Variants in OXR1 observed in about 807,000 individuals in gnomAD.
The protein encoded by OXR1 is oxidation resistance 1.
A neutral mutation model predicts 104.6 loss-of-function variants in OXR1; 41 were observed. The observed-to-expected ratio is 0.39, with a 90% CI of 0.31 to 0.51. The LOEUF is 0.51. Among genes scored for constraint, OXR1 ranks in the 20% least tolerant of loss-of-function variants. The probability of loss-of-function intolerance (pLI) is 0.77; values close to 1 mark genes in which losing one functional copy is unlikely to be tolerated. For synonymous variants in OXR1, 348 were observed against 348.4 expected, an observed-to-expected ratio of 1.00 and a Z score of 0.01; for missense variants, 955 against 1,031.9, an observed-to-expected ratio of 0.93 and a Z score of 1.02.
rs189344266 is a variant in OXR1, at chr8:106,389,347, C to T, written c.23+29711C>T. Among the ~76,000 whole-genome samples, 29 of 152,270 alleles carry T rather than the reference C, an allele frequency of 1.9e-4. No homozygotes were observed. In the East Asian group the frequency reaches 5.2e-3, roughly 27 times the overall value. On this transcript the variant is annotated intron_variant, in intron 2 of 16. Transcript: ENST00000517566. ...ATTTGGTAAGTTAAATTCTGTGAAACGCCCATGTGCTGTCAGTGCTGGTTA... is the reference window on the plus strand; with the variant it reads ...ATTTGGTAAGTTAAATTCTGTGAAATGCCCATGTGCTGTCAGTGCTGGTTA...
intron 2 of OXR1, among the ~76,000 whole-genome samples, chr8:106,482,118 T>G (rs1017155585): frequency 6.6e-5 from 10 of 152,066 alleles, no homozygotes; most frequent in African/African-American, 2.2e-4. Flanking sequence ...CGTGGGTATT[T>G]AATGAGGAAA....
At chr8:106,291,475 T>C (rs142773574) in intron 1 of OXR1, among the ~76,000 whole-genome samples, 1 of 152,310 alleles carries the variant, frequency 6.6e-6, no homozygotes, top group East Asian at 1.9e-4. Context: ...ATTGCATCAT[T>C]CTTGGAAGTA....
chr8:106,555,477 G>T (rs563661095), intron 3 of OXR1, among the ~76,000 whole-genome samples: 3 of 152,250 alleles, frequency 2.0e-5, no homozygotes, highest in Admixed American at 6.5e-5. Flanking sequence ...TCCAGCTTCT[G>T]ATAGTGAAGT....
intron 3 of OXR1, among the ~76,000 whole-genome samples, chr8:106,652,765 A>G (rs1401397275): frequency 6.6e-6 from 1 of 151,898 alleles, no homozygotes; most frequent in Non-Finnish European, 1.5e-5. Flanking sequence ...AGGAAATTAT[A>G]AAGATTAGCA....
At chr8:106,362,375 G>A (rs1816284406) in intron 2 of OXR1, among the ~76,000 whole-genome samples, 1 of 152,072 alleles carries the variant, frequency 6.6e-6, no homozygotes, top group African/African-American at 2.4e-5. Context: ...AAAAGCATAG[G>A]TTAGTATAGT....
intron 11 of OXR1, among the ~76,000 whole-genome samples, chr8:106,721,332 TC>T (rs950105635): frequency 1.3e-5 from 2 of 152,138 alleles, no homozygotes; most frequent in African/African-American, 4.8e-5. Flanking sequence ...TATCCAGTTC[TC>T]CTAGGATGAT....
At chr8:106,658,224 TGGGCTGA>T (rs1825350426) in intron 3 of OXR1, 1 of 1,231,590 alleles carries the variant, frequency 8.1e-7, no homozygotes, top group East Asian at 3.2e-5. Flanking sequence ...GCGGCCGACC[TGGGCTGA>T]GGGCTGTGGG....
At chr8:106,597,218 T>TG (rs1048127235) in intron 3 of OXR1, among the ~76,000 whole-genome samples, 5 of 151,908 alleles carry the variant, frequency 3.3e-5, no homozygotes, top group African/African-American at 7.3e-5. Context: ...GGTGAGCCTT[T>TG]GGGGGGGTGA....
intron 1 of OXR1, among the ~76,000 whole-genome samples, chr8:106,284,631 A>G (rs575430549): frequency 6.6e-6 from 1 of 152,308 alleles, no homozygotes; most frequent in East Asian, 1.9e-4. Context: ...AACATTACAA[A>G]TATGCCTTCA....
In OXR1 at chr8:106,751,018, C is replaced by T. The variant is rs2131616893; in HGVS notation, c.*77C>T. ...AGCATTGTTTGGAAAGTTCAAGAAGCAATACAGTGTAACATGTCACTTGTG... is the reference window on the plus strand; with the variant it reads ...AGCATTGTTTGGAAAGTTCAAGAAGTAATACAGTGTAACATGTCACTTGTG... On this transcript the variant is annotated 3_prime_UTR_variant, in exon 17 of 17. Transcript: ENST00000517566. The T allele has an allele frequency of 9.4e-7, 1 of 1,061,318 alleles. No individual in the cohort carries two copies. Among genetic ancestry groups the T allele is most frequent in the Non-Finnish European group, 1.4e-6 (1 of 723,432 alleles). The allele number at this position is 1,061,318 out of a possible 1,614,324, so 65.7% of individuals were successfully genotyped here. A position where few individuals can be genotyped will look rare whatever the true frequency, so the allele number is the denominator to read the frequency against.
chr8:106,750,194 A>G (rs1039213353), intron 16 of OXR1, among the ~76,000 whole-genome samples: 10 of 151,848 alleles, frequency 6.6e-5, no homozygotes, highest in Non-Finnish European at 1.5e-4. Context: ...ACCCAAAGAA[A>G]AACTCATAAT....
At chr8:106,316,699 A>G (rs887454934) in intron 1 of OXR1, among the ~76,000 whole-genome samples, 1 of 100,688 alleles carries the variant, frequency 9.9e-6, no homozygotes, top group African/African-American at 4.2e-5. Context: ...TTTTCTATCT[A>G]TCTATCTATC....
intron 2 of OXR1, among the ~76,000 whole-genome samples, chr8:106,456,292 A>G (rs187925685): frequency 8.5e-5 from 13 of 152,286 alleles, no homozygotes; most frequent in Admixed American, 7.2e-4. Context: ...ATTCAAATTC[A>G]TTCATTGAGT....
intron 2 of OXR1, 94 bp downstream of exon 2, chr8:106,359,730 A>G: frequency 2.2e-6 from 2 of 915,914 alleles, no homozygotes; most frequent in Non-Finnish European, 3.5e-6. Flanking sequence ...TTGGGCAGAG[A>G]GAAAACTTAA....
chr8:106,728,673 AAACTTTAATCATTCAT>A (rs1833581156), intron 11 of OXR1, among the ~76,000 whole-genome samples: 2 of 152,186 alleles, frequency 1.3e-5, no homozygotes, highest in African/African-American at 4.8e-5. Flanking sequence ...CTGATAACTT[AAACTTTAATCATTCAT>A]TTATTTGAAG....
rs567261341 is a variant in OXR1, at chr8:106,737,522, A to G, written c.1959A>G (p.Val653=). 2.7e-6 allele frequency: 3 copies of G among 1,110,112 alleles called. No individual in the cohort carries two copies. The highest frequency in any genetic ancestry group is 7.3e-5 in the Admixed American group (2 of 27,528). 68.8% of individuals were successfully genotyped at this position (1,110,112 alleles called of 1,614,324 possible). Residue 653 remains valine, a splice_region_variant and synonymous_variant, in exon 12 of 17, where the codon GTA becomes GTG. Transcript: ENST00000517566. Reference sequence around the variant, plus strand: ...TGTCTTCCTGTCTCCATATTTAGGTAGTGTCAGTGGCTGAGTATCACCGCA... The same window carrying G: ...TGTCTTCCTGTCTCCATATTTAGGTGGTGTCAGTGGCTGAGTATCACCGCA... ...SNQAAAREWE[V]VSVAEYHRRI...
At chr8:106,409,701 A>G (rs1026319903) in intron 2 of OXR1, among the ~76,000 whole-genome samples, 3 of 152,198 alleles carry the variant, frequency 2.0e-5, no homozygotes, top group African/African-American at 7.2e-5. Flanking sequence ...GCGGGATGAT[A>G]TAGTTGCACT....
At chr8:106,581,516 C>T (rs1467727470) in intron 3 of OXR1, among the ~76,000 whole-genome samples, 1 of 151,038 alleles carries the variant, frequency 6.6e-6, no homozygotes, top group African/African-American at 2.4e-5. Context: ...TTAAAAAAAA[C>T]CTTTTAAACA....
chr8:106,491,602 C>T (rs1423515226), intron 2 of OXR1, among the ~76,000 whole-genome samples: 1 of 152,114 alleles, frequency 6.6e-6, no homozygotes, highest in Non-Finnish European at 1.5e-5. Flanking sequence ...AGTTTTCAAG[C>T]CTGTGAAAGC....
Sources: allele counts gnomAD v4.1 joint callset (sites outside exome capture counted in the v4.1 genomes callset), GRCh38; gene constraint gnomAD v4.1.1; transcripts MANE v1.5; gene names NCBI Gene and HGNC (gene_info 2026-07-23, HGNC 2026-07-21).